Variants in UNC13C observed in about 807,000 individuals in gnomAD.
UNC13C encodes the protein unc-13 homolog C.
In UNC13C, 174 loss-of-function variants were observed where a neutral mutation model predicts 245.4. The ratio of observed to expected loss-of-function variants is 0.71; its 90% CI spans 0.63 to 0.80. The LOEUF is 0.80. UNC13C is among the 30% of genes least tolerant of loss of function. The probability of loss-of-function intolerance (pLI) is 0.00; values close to 1 mark genes in which losing one functional copy is unlikely to be tolerated. For synonymous variants in UNC13C, 992 were observed against 895.1 expected (o/e 1.11, Z -1.93); for missense variants, 2,829 against 2,602.9 (o/e 1.09, Z -1.89).
intron 19 of UNC13C, among the ~76,000 whole-genome samples, chr15:54,470,761 C>G (rs1430226460): frequency 6.6e-6 from 1 of 150,732 alleles, no homozygotes; most frequent in Non-Finnish European, 1.5e-5. Context: ...ATGCTTTGAT[C>G]TTTGTTGTTT....
intron 13 of UNC13C, among the ~76,000 whole-genome samples, chr15:54,304,171 G>A (rs1053236548): frequency 2.6e-5 from 4 of 152,014 alleles, no homozygotes; most frequent in Non-Finnish European, 4.4e-5. Flanking sequence ...TAAATAAATG[G>A]AAATGGCTGT....
chr15:54,611,826 A>T (rs1027520287), intron 30 of UNC13C, among the ~76,000 whole-genome samples: 8 of 152,126 alleles, frequency 5.3e-5, no homozygotes, highest in African/African-American at 1.9e-4. Context: ...ATTACTCAAA[A>T]AATTAAGCTT....
chr15:54,253,767 G>C (rs896000200), intron 8 of UNC13C, among the ~76,000 whole-genome samples: 1 of 152,210 alleles, frequency 6.6e-6, no homozygotes, highest in African/African-American at 2.4e-5. Flanking sequence ...TGTGTGCAGA[G>C]TGAGTCATAT....
At chr15:54,091,323 C>A (rs1362459558) in intron 2 of UNC13C, among the ~76,000 whole-genome samples, 1 of 152,204 alleles carries the variant, frequency 6.6e-6, no homozygotes, top group Non-Finnish European at 1.5e-5. Context: ...TCTCACCTTG[C>A]AGAGCTTCAA....
At chr15:54,604,026 C>T (rs1899612732) in intron 30 of UNC13C, among the ~76,000 whole-genome samples, 1 of 152,118 alleles carries the variant, frequency 6.6e-6, no homozygotes, top group Non-Finnish European at 1.5e-5. Context: ...TCTGGTTTCA[C>T]ATGCCTGGTA....
chr15:53,927,853 G>A, the UNC13C span, among the ~76,000 whole-genome samples: 3 of 152,166 alleles, frequency 2.0e-5, no homozygotes, highest in Non-Finnish European at 4.4e-5. Flanking sequence ...ATTCCAGGGA[G>A]AGCCAGCTAC....
At chr15:54,625,490 C>CTAT (rs1901076146) in intron 32 of UNC13C, among the ~76,000 whole-genome samples, 1 of 152,036 alleles carries the variant, frequency 6.6e-6, no homozygotes, top group Non-Finnish European at 1.5e-5. Context: ...TGTTTTAAAT[C>CTAT]TATTAATTTG....
the UNC13C span, among the ~76,000 whole-genome samples, chr15:53,907,563 C>T: frequency 3.3e-5 from 5 of 152,112 alleles, no homozygotes; most frequent in African/African-American, 1.2e-4. Context: ...GATCAAGTCA[C>T]TTAACCTCTC....
At chr15:54,605,409 T>G (rs1049599913) in intron 30 of UNC13C, among the ~76,000 whole-genome samples, 1 of 152,204 alleles carries the variant, frequency 6.6e-6, no homozygotes, top group Non-Finnish European at 1.5e-5. Context: ...GGATTTTGTT[T>G]ACTTATCCTT....
At chr15:54,220,451 TA>T (rs1398530893) in intron 4 of UNC13C, among the ~76,000 whole-genome samples, 3 of 62,396 alleles carry the variant, frequency 4.8e-5, no homozygotes, top group African/African-American at 6.8e-5. Context: ...TGTTGTGGGG[TA>T]GGGGGAGGGG....
Position 54,622,307 on chromosome 15 carries a change from A to G in UNC13C, c.6107-20A>G, listed in dbSNP as rs1274973491. The G allele has an allele frequency of 6.4e-7, 1 of 1,574,776 alleles. No homozygotes were observed. The highest frequency in any genetic ancestry group is 1.4e-5 in the African/African-American group (1 of 74,070). On this transcript the variant is annotated intron_variant, in intron 30 of 32. Transcript: ENST00000260323. The stretch of plus-strand genomic sequence containing the variant: ...AATGAGTCTGAAAGCTCAGGCCAGT[A>G]AGCCTCTGCTTATTTTCAGGTCGTT...
intron 17 of UNC13C, among the ~76,000 whole-genome samples, chr15:54,344,738 G>A (rs1370359944): frequency 6.6e-6 from 1 of 151,990 alleles, no homozygotes; most frequent in Non-Finnish European, 1.5e-5. Context: ...TATAGCATAC[G>A]TCTCACCTGT....
At chr15:54,570,794 A>T (rs1328412753) in intron 30 of UNC13C, among the ~76,000 whole-genome samples, 1 of 152,230 alleles carries the variant, frequency 6.6e-6, no homozygotes, top group Non-Finnish European at 1.5e-5. Flanking sequence ...TTTCTGTAAC[A>T]AATCCTAAAG....
At chr15:54,610,831 C>T (rs747230678) in intron 30 of UNC13C, among the ~76,000 whole-genome samples, 3 of 152,220 alleles carry the variant, frequency 2.0e-5, no homozygotes, top group African/African-American at 4.8e-5. Context: ...CTTTTACATA[C>T]ACTGCATCAC....
rs1216299209 is a variant in UNC13C, at chr15:54,013,201, A to T, written c.298A>T (p.Asn100Tyr). 6.8e-6 allele frequency: 11 copies of T among 1,613,702 alleles called. 1 individual carries two copies. Among genetic ancestry groups the T allele is most frequent in the Non-Finnish European group, 5.1e-6 (6 of 1,179,856 alleles). Reference protein sequence around the residue: ...PTFSYRVAIANGLQKNAKVTN... With the variant: ...PTFSYRVAIAYGLQKNAKVTN... ...ATTCAGTTACCGAGTAGCTATTGCC[A>T]ATGGCCTACAAAAGAATGCTAAAGT... Residue 100 changes from asparagine to tyrosine, a missense_variant, in exon 2 of 33, where the codon AAT becomes TAT. Transcript: ENST00000260323.
rs1897051331 is a variant in UNC13C, at chr15:54,555,527, C to T, written c.5958+15C>T. 6.2e-7 allele frequency: 1 copy of T among 1,600,618 alleles called. No homozygotes were observed. Among genetic ancestry groups the T allele is most frequent in the Non-Finnish European group, 8.5e-7 (1 of 1,169,928 alleles). On this transcript the variant is annotated intron_variant, in intron 29 of 32. Transcript: ENST00000260323. ...CTACCATCAAGGTGAGATTATAATG[C>T]TCCTATATATACATCGAGAGAGGCC...
chr15:54,120,070 C>T (rs1203811916), intron 2 of UNC13C, among the ~76,000 whole-genome samples: 1 of 152,132 alleles, frequency 6.6e-6, no homozygotes, highest in African/African-American at 2.4e-5. Context: ...TCCAGAAGAC[C>T]TAGTTAAGAT....
chr15:54,033,675 T>C (rs751475092), intron 2 of UNC13C, among the ~76,000 whole-genome samples: 1 of 152,172 alleles, frequency 6.6e-6, no homozygotes, highest in African/African-American at 2.4e-5. Context: ...TCCTCTTGTT[T>C]TGCAGATGAG....
intron 2 of UNC13C, among the ~76,000 whole-genome samples, chr15:54,069,757 G>T (rs530733699): frequency 3.3e-5 from 5 of 152,180 alleles, no homozygotes; most frequent in Non-Finnish European, 7.4e-5. Flanking sequence ...CTTGAACTAT[G>T]GTGAAGTAGA....
Sources: gnomAD v4.1 joint callset for allele counts (sites outside exome capture counted in the v4.1 genomes callset) on GRCh38, gnomAD v4.1.1 for gene constraint, MANE v1.5 for transcripts, NCBI Gene and HGNC (gene_info 2026-07-23, HGNC 2026-07-21) for gene names.